The following SEMA4F variants were observed in gnomAD, a reference collection of about 807,000 sequenced individuals.
SEMA4F encodes semaphorin-4F.
SEMA4F carries 51 observed loss-of-function variants against 78.4 expected under a neutral mutation model. That is an observed-to-expected ratio of 0.65 (90% CI 0.52 to 0.82). SEMA4F has a LOEUF of 0.82. SEMA4F is among the 40% of genes least tolerant of loss of function. SEMA4F has a pLI of 0.00. For missense variants in SEMA4F, 938 were observed against 1,014.4 expected (o/e 0.92, Z 1.02); for synonymous variants, 418 against 408.7 (o/e 1.02, Z -0.27).
intron 6 of SEMA4F, 44 bp downstream of exon 6, chr2:74,673,620 G>T (rs761751888): frequency 1.1e-5 from 18 of 1,613,286 alleles, no homozygotes; most frequent in Middle Eastern, 3.3e-4. Flanking sequence ...CGATGGGGTG[G>T]AGTCTGGGAA....
chr2:74,679,708 G>C lies in SEMA4F; in HGVS notation c.1812G>C (p.Val604=), dbSNP rs144238493. 1 of 1,614,012 alleles carries C rather than the reference G, an allele frequency of 6.2e-7. No homozygotes were observed. The highest frequency in any genetic ancestry group is 1.3e-5 in the African/African-American group (1 of 74,934). The change falls in exon 14 of 14, where the codon GTG becomes GTC. Residue 604 remains valine, a synonymous_variant. Coordinates refer to ENST00000357877, the MANE Select transcript of SEMA4F (RefSeq NM_004263.5). ...GTGTGTGGCACCAGCCCAGTGGAGT[G>C]ACTGCACTCACCCCCCGGCGGGATG... is the stretch of plus-strand genomic sequence containing the variant. The part of the protein sequence containing the change: ...ASCVWHQPSG[V]TALTPRRDGL...
intron 5 of SEMA4F, among the ~76,000 whole-genome samples, chr2:74,664,280 C>G (rs1398098772): frequency 6.6e-6 from 1 of 152,146 alleles, no homozygotes. Flanking sequence ...ATATCACAGG[C>G]ATTTCTATAT....
At position 74,654,496 on chromosome 2, in the gene SEMA4F, G is replaced by C; in HGVS notation, c.120G>C (p.Val40=). The part of the protein sequence containing the change: ...GPVSGRVPRS[V]PRTSLPISEA... ...TATCCGGCCGCGTCCCCCGCTCGGT[G>C]CCCAGAACCTCGCTTCCAATCTCTG... is the stretch of plus-strand genomic sequence containing the variant. Residue 40 remains valine, a synonymous_variant, in exon 1 of 14, where the codon GTG becomes GTC. Coordinates refer to ENST00000357877, the MANE Select transcript of SEMA4F (RefSeq NM_004263.5). 1.3e-6 allele frequency: 2 copies of C among 1,573,842 alleles called. No homozygotes were observed. Among genetic ancestry groups the C allele is most frequent in the Non-Finnish European group, 1.7e-6 (2 of 1,164,138 alleles).
Position 74,675,654 on chromosome 2 carries a change from G to A in SEMA4F, c.1482+20G>A, listed in dbSNP as rs1288924278. The A allele has an allele frequency of 2.5e-6, 4 of 1,613,196 alleles. No individual in the cohort carries two copies. In the Admixed American group the frequency reaches 6.7e-5, roughly 27 times the overall value. ...TACCACGTGAGTTGTAGATTTTGGA[G>A]AGTCTATTGGGGAGACATCTGAGTC... On this transcript the variant is annotated intron_variant, in intron 11 of 13. Coordinates refer to ENST00000357877, the MANE Select transcript of SEMA4F (RefSeq NM_004263.5).
intron 7 of SEMA4F, 65 bp downstream of exon 7, chr2:74,673,893 T>TC (rs1685126702): frequency 9.8e-6 from 15 of 1,536,328 alleles, no homozygotes; most frequent in Non-Finnish European, 1.2e-5. Flanking sequence ...TCTTATCTTT[T>TC]CCTCTTTGGG....
rs1376789154 is a variant in SEMA4F at position 74,683,143 on chromosome 2, A to C, written c.*2934A>C. 2.0e-5 allele frequency: 3 copies of C among 152,230 alleles called. No individual in the cohort carries two copies. The highest frequency in any genetic ancestry group is 2.0e-4 in the Admixed American group (3 of 15,284). The allele number at this position is 152,230 out of a possible 1,614,324, so 9.4% of individuals were successfully genotyped here. On this transcript the variant is annotated 3_prime_UTR_variant, in exon 14 of 14. Coordinates refer to ENST00000357877, the MANE Select transcript of SEMA4F (RefSeq NM_004263.5). Reference sequence around the variant, plus strand: ...GTGTCTTATTATACCTTATTAAAACAAACCTGGGTACATTTGTAAGACAGC... The same window carrying C: ...GTGTCTTATTATACCTTATTAAAACCAACCTGGGTACATTTGTAAGACAGC...
chr2:74,704,155 T>C, the SEMA4F span, among the ~76,000 whole-genome samples: 1 of 151,866 alleles, frequency 6.6e-6, no homozygotes, highest in Admixed American at 6.6e-5. Flanking sequence ...AGGTGCTAAG[T>C]TTTTCTAACA....
chr2:74,706,303 G>T, the SEMA4F span, among the ~76,000 whole-genome samples: 1 of 152,144 alleles, frequency 6.6e-6, no homozygotes, highest in South Asian at 2.1e-4. Context: ...TGACGCCAAA[G>T]AACTTATCGA....
the SEMA4F span, among the ~76,000 whole-genome samples, chr2:74,703,860 A>G: frequency 6.6e-6 from 1 of 152,120 alleles, no homozygotes; most frequent in Non-Finnish European, 1.5e-5. Flanking sequence ...TCTCTTTCTT[A>G]AGGCTTTGGG....
downstream of SEMA4F, among the ~76,000 whole-genome samples, chr2:74,684,362 C>T (rs1019246918): frequency 6.6e-6 from 1 of 152,008 alleles, no homozygotes; most frequent in African/African-American, 2.4e-5. Flanking sequence ...TGCTATGATG[C>T]GATAACAACC....
chr2:74,679,743 T>C lies in SEMA4F; in HGVS notation c.1847T>C (p.Val616Ala). 6.2e-7 allele frequency: 1 copy of C among 1,613,884 alleles called. No homozygotes were observed. The highest frequency in any genetic ancestry group is 2.2e-5 in the East Asian group (1 of 44,868). Residue 616 changes from valine to alanine, a missense_variant, in exon 14 of 14, where the codon GTG (valine) becomes GCG (alanine). Transcript: ENST00000357877. ...ALTPRRDGLE[V>A]VVTPGAMGAY... is the part of the protein sequence containing the mutation. ...ACCCCCCGGCGGGATGGACTGGAGG[T>C]GGTGGTGACCCCAGGGGCCATGGGC...
chr2:74,690,134 C>T, the SEMA4F span, among the ~76,000 whole-genome samples: 1 of 152,202 alleles, frequency 6.6e-6, no homozygotes, highest in Non-Finnish European at 1.5e-5. Flanking sequence ...CCCACGGTTC[C>T]CCATGCCATG....
chr2:74,708,347 C>A, the SEMA4F span, among the ~76,000 whole-genome samples: 50 of 152,192 alleles, frequency 3.3e-4, no homozygotes, highest in Admixed American at 7.9e-4. Flanking sequence ...TAGGCTTTTC[C>A]CCTCACTCAG....
the SEMA4F span, among the ~76,000 whole-genome samples, chr2:74,696,659 A>G: frequency 1.6e-4 from 25 of 152,340 alleles, no homozygotes; most frequent in African/African-American, 4.8e-4. Context: ...ACAAATCACC[A>G]CTAAAGAACT....
At chr2:74,654,719 G>GCCCCTCAT (rs1684028348) in intron 1 of SEMA4F, among the ~76,000 whole-genome samples, 198 bp downstream of exon 1, 1 of 152,124 alleles carries the variant, frequency 6.6e-6, no homozygotes, top group African/African-American at 2.4e-5. Flanking sequence ...GCGCCCCTCA[G>GCCCCTCAT]CCCCTCATCC....
Position 74,680,449 on chromosome 2 carries a change from C to T in SEMA4F, c.*240C>T, listed in dbSNP as rs1685555443. The T allele has an allele frequency of 2.2e-6, 1 of 458,400 alleles. No homozygotes were observed. The highest frequency in any genetic ancestry group is 3.8e-6 in the Non-Finnish European group (1 of 262,008). The allele number at this position is 458,400 out of a possible 1,614,324, so 28.4% of individuals were successfully genotyped here. A position where few individuals can be genotyped will look rare whatever the true frequency, so the allele number is the denominator to read the frequency against. On this transcript the variant is annotated 3_prime_UTR_variant, in exon 14 of 14. Transcript: ENST00000357877. ...GCTTTCTGCAGCAAATCAGGGCTTC[C>T]CCCTAACATCTGAACTCCTGTAAAC... is the stretch of plus-strand genomic sequence containing the variant.
chr2:74,695,962 G>T, the SEMA4F span, among the ~76,000 whole-genome samples: 1 of 152,126 alleles, frequency 6.6e-6, no homozygotes, highest in Non-Finnish European at 1.5e-5. Context: ...AGCATACAGG[G>T]CCACCCTAGT....
chr2:74,671,258 C>T (rs996161829), intron 5 of SEMA4F, among the ~76,000 whole-genome samples: 1 of 152,258 alleles, frequency 6.6e-6, no homozygotes, highest in Non-Finnish European at 1.5e-5. Flanking sequence ...CAGCCCTGCA[C>T]TGCTGCCCTT....
At position 74,673,729 on chromosome 2, in the gene SEMA4F, A is replaced by C; in HGVS notation, c.723A>C (p.Glu241Asp). The change falls in exon 7 of 14, where the codon GAA becomes GAC. Residue 241 changes from glutamate (E) to aspartate (D), a missense_variant. By Grantham distance (45) the Glu-to-Asp change is conservative (BLOSUM62 2). Coordinates refer to ENST00000357877, the MANE Select transcript of SEMA4F (RefSeq NM_004263.5). ...TGAGCCCAGCCGAATGGGGGGATGA[A>C]GATGGAGACGACGAAATCTACTTCT... ...VALSPAEWGD[E>D]DGDDEIYFFF... The C allele has an allele frequency of 6.2e-7, 1 of 1,614,152 alleles. No individual in the cohort carries two copies. The highest frequency in any genetic ancestry group is 1.3e-5 in the African/African-American group (1 of 75,018).
Sources: allele counts gnomAD v4.1 joint callset (sites outside exome capture counted in the v4.1 genomes callset), GRCh38; gene constraint gnomAD v4.1.1; transcripts MANE v1.5; gene names NCBI Gene and HGNC (gene_info 2026-07-23, HGNC 2026-07-21).